SPATA16: variants seen among roughly 807,000 people sequenced by gnomAD.
SPATA16 encodes spermatogenesis associated 16, also known as spermatogenesis-associated protein 16.
In SPATA16, 36 loss-of-function variants were observed where a neutral mutation model predicts 63.3. The observed-to-expected ratio is 0.57, with a 90% CI of 0.44 to 0.75. The LOEUF (loss-of-function observed/expected upper bound fraction) is 0.75, where lower values mean the gene tolerates loss of function less well. Among genes scored for constraint, SPATA16 ranks in the 30% least tolerant of loss-of-function variants. The probability of loss-of-function intolerance (pLI) is 0.00; values close to 1 mark genes in which losing one functional copy is unlikely to be tolerated. For missense variants in SPATA16, 646 were observed against 679.3 expected, an observed-to-expected ratio of 0.95 and a Z score of 0.54; for synonymous variants, 203 against 216.7, an observed-to-expected ratio of 0.94 and a Z score of 0.56.
chr3:173,098,040 A>G (rs1737403606), intron 2 of SPATA16, among the ~76,000 whole-genome samples: 2 of 152,164 alleles, frequency 1.3e-5, no homozygotes, highest in Admixed American at 1.3e-4. Flanking sequence ...TAAAAAATGA[A>G]AACAAAAATT....
chr3:173,063,373 G>T (rs1736435753), intron 2 of SPATA16, among the ~76,000 whole-genome samples: 1 of 152,170 alleles, frequency 6.6e-6, no homozygotes, highest in African/African-American at 2.4e-5. Context: ...AAAGAAGAAG[G>T]ACTCTACGGT....
chr3:172,943,764 A>G (rs1031188586), intron 6 of SPATA16, among the ~76,000 whole-genome samples: 2 of 152,128 alleles, frequency 1.3e-5, no homozygotes, highest in Non-Finnish European at 2.9e-5. Flanking sequence ...AAAGAAAATT[A>G]TCAAATAACA....
rs9819284 is a variant in SPATA16 at position 173,077,397 on chromosome 3, G to A, written c.613-28303C>T. On this transcript the variant is annotated intron_variant, in intron 2 of 10. Transcript: ENST00000351008. ...GTATAAAAGCAATAATAAAGGGATC[G>A]GAATTCCTGAAAGGGAATTTCAAGC... Among the ~76,000 whole-genome samples the A allele has an allele frequency of 3.9e-3, 592 of 152,160 alleles. 5 individuals are homozygous for A. Among genetic ancestry groups the A allele is most frequent in the African/African-American group, 0.013 (558 of 41,516 alleles).
chr3:173,048,938 T>A lies in SPATA16; in HGVS notation c.758+11A>T. The A allele has an allele frequency of 6.2e-7, 1 of 1,613,584 alleles. No individual in the cohort carries two copies. The highest frequency in any genetic ancestry group is 8.5e-7 in the Non-Finnish European group (1 of 1,179,556). ...CAGCATTTACTTGCACTTATTAGTA[T>A]ATGATTTTACCTGTGTGCATGATTC... On this transcript the variant is annotated intron_variant, in intron 3 of 10. Transcript: ENST00000351008.
chr3:172,902,212 A>ATT lies in SPATA16; in HGVS notation c.1587+11447_1587+11448dup, dbSNP rs35838040. ...GCCACAACACCCAGCTAATTTTTGT[A>ATT]TTTTTTTAGTAGAGATGGGGTTTCA... On this transcript the variant is annotated intron_variant, in intron 10 of 10. Coordinates refer to ENST00000351008, the MANE Select transcript of SPATA16 (RefSeq NM_031955.6). Among the ~76,000 whole-genome samples the ATT allele has an allele frequency of 3.5e-3, 525 of 151,742 alleles. 2 individuals carry two copies. The highest frequency in any genetic ancestry group is 0.012 in the African/African-American group (500 of 41,356).
intron 1 of SPATA16, among the ~76,000 whole-genome samples, chr3:173,140,541 A>G (rs1014635294): frequency 3.3e-5 from 5 of 152,174 alleles, no homozygotes; most frequent in African/African-American, 1.2e-4. Flanking sequence ...AAATGATGAC[A>G]TGGTCTATGT....
At chr3:173,105,212 G>T (rs1560124549) in intron 2 of SPATA16, among the ~76,000 whole-genome samples, 2 of 152,102 alleles carry the variant, frequency 1.3e-5, no homozygotes, top group African/African-American at 2.4e-5. Context: ...GTTTTAGTTG[G>T]CATCCTGAAC....
At chr3:173,056,687 A>G (rs1736233047) in intron 2 of SPATA16, among the ~76,000 whole-genome samples, 1 of 137,802 alleles carries the variant, frequency 7.3e-6, no homozygotes, top group Non-Finnish European at 1.5e-5. Flanking sequence ...CTGGAGCAAC[A>G]GAGTGAGACT....
At chr3:173,026,163 T>C (rs752515363) in intron 3 of SPATA16, among the ~76,000 whole-genome samples, 1 of 151,814 alleles carries the variant, frequency 6.6e-6, no homozygotes, top group African/African-American at 2.4e-5. Context: ...ATTGTGGCTT[T>C]AGTTTGCATT....
chr3:172,949,422 C>CA (rs1340382365), intron 6 of SPATA16, among the ~76,000 whole-genome samples: 1 of 152,026 alleles, frequency 6.6e-6, no homozygotes, highest in African/African-American at 2.4e-5. Flanking sequence ...CGTAACTCTA[C>CA]AAAGTAAAAA....
chr3:172,986,709 T>C (rs1289173124), intron 4 of SPATA16, among the ~76,000 whole-genome samples: 4 of 152,206 alleles, frequency 2.6e-5, no homozygotes, highest in Non-Finnish European at 5.9e-5. Context: ...TGAAGAAGCC[T>C]GGATTTCATC....
At chr3:173,100,676 A>G (rs1737468248) in intron 2 of SPATA16, among the ~76,000 whole-genome samples, 1 of 140,472 alleles carries the variant, frequency 7.1e-6, no homozygotes, top group Non-Finnish European at 1.5e-5. Flanking sequence ...ACACACACAC[A>G]CACACACACA....
intron 3 of SPATA16, among the ~76,000 whole-genome samples, chr3:173,027,624 C>T (rs1735479964): frequency 2.0e-5 from 3 of 151,786 alleles, no homozygotes; most frequent in Admixed American, 1.3e-4. Flanking sequence ...TAGCAGCCAA[C>T]CCCTGCATTG....
chr3:173,040,413 G>C (rs899669456), intron 3 of SPATA16, among the ~76,000 whole-genome samples: 6 of 152,040 alleles, frequency 3.9e-5, no homozygotes, highest in Admixed American at 6.6e-5. Flanking sequence ...TATAAGAAAG[G>C]GGAGGAAAGT....
At chr3:173,005,590 A>G (rs1440758154) in intron 4 of SPATA16, among the ~76,000 whole-genome samples, 2 of 152,188 alleles carry the variant, frequency 1.3e-5, no homozygotes, top group Non-Finnish European at 2.9e-5. Flanking sequence ...TTGCACGATA[A>G]ATTATTTTAG....
chr3:172,969,574 T>C (rs1427466828), intron 5 of SPATA16, among the ~76,000 whole-genome samples: 2 of 152,202 alleles, frequency 1.3e-5, no homozygotes, highest in Non-Finnish European at 2.9e-5. Flanking sequence ...TCTAAGTGAC[T>C]CTGATGCAGT....
At chr3:173,126,831 C>T (rs1738240568) in intron 1 of SPATA16, among the ~76,000 whole-genome samples, 1 of 152,178 alleles carries the variant, frequency 6.6e-6, no homozygotes, top group African/African-American at 2.4e-5. Context: ...TCCACTGCAT[C>T]CCACCACAAT....
intron 10 of SPATA16, among the ~76,000 whole-genome samples, chr3:172,902,703 A>G (rs1221197154): frequency 6.6e-6 from 1 of 152,152 alleles, no homozygotes; most frequent in Non-Finnish European, 1.5e-5. Flanking sequence ...CAGCCCTCTC[A>G]TGTTCCTCTC....
chr3:173,063,208 A>G (rs1736430655), intron 2 of SPATA16, among the ~76,000 whole-genome samples: 1 of 152,250 alleles, frequency 6.6e-6, no homozygotes, highest in South Asian at 2.1e-4. Context: ...AATATAGGAT[A>G]TGCAGGAAAA....
Sources: gnomAD v4.1 joint callset for allele counts (sites outside exome capture counted in the v4.1 genomes callset) on GRCh38, gnomAD v4.1.1 for gene constraint, MANE v1.5 for transcripts, NCBI Gene and HGNC (gene_info 2026-07-23, HGNC 2026-07-21) for gene names.